UBE2L3: variants seen among roughly 807,000 people sequenced by gnomAD.
UBE2L3 encodes ubiquitin conjugating enzyme E2 L3, also known as ubiquitin-conjugating enzyme E2 L3.
A neutral mutation model predicts 17.8 loss-of-function variants in UBE2L3; 1 was observed. The observed-to-expected ratio is 0.06, with a 90% CI of 0.02 to 0.27. The LOEUF (loss-of-function observed/expected upper bound fraction) is 0.27, where lower values mean the gene tolerates loss of function less well. Ranked by LOEUF, UBE2L3 falls within the 10% of genes least tolerant of loss-of-function variation. The pLI, the probability that UBE2L3 is intolerant of heterozygous loss-of-function variation, is 1.00. For missense variants in UBE2L3, 40 were observed against 192.6 expected (o/e 0.21, Z 4.69); for synonymous variants, 44 against 68.5 (o/e 0.64, Z 1.76).
At chr22:21,603,987 C>T (rs1929011854) in intron 2 of UBE2L3, among the ~76,000 whole-genome samples, 1 of 146,774 alleles carries the variant, frequency 6.8e-6, no homozygotes, top group African/African-American at 2.5e-5. Flanking sequence ...TCATAGCTCA[C>T]TGCAGCCTCA....
intron 1 of UBE2L3, among the ~76,000 whole-genome samples, chr22:21,579,943 G>T (rs1927532423): frequency 6.6e-6 from 1 of 152,228 alleles, no homozygotes; most frequent in African/African-American, 2.4e-5. Context: ...AGCTCCATCT[G>T]CCAGGTTTTG....
intron 1 of UBE2L3, among the ~76,000 whole-genome samples, chr22:21,580,269 G>A (rs1927550131): frequency 6.6e-6 from 1 of 152,172 alleles, no homozygotes; most frequent in African/African-American, 2.4e-5. Context: ...ACATCTCTGA[G>A]CCTTGGCTTT....
upstream of UBE2L3, among the ~76,000 whole-genome samples, chr22:21,565,679 G>A (rs1016072991): frequency 6.8e-6 from 1 of 146,006 alleles, no homozygotes; most frequent in Non-Finnish European, 1.5e-5. Flanking sequence ...CTTGAACCCG[G>A]GAGGCAGAGG....
chr22:21,559,889 GGAT>G (rs1926369277), intron 1 of UBE2L3, among the ~76,000 whole-genome samples: 1 of 152,300 alleles, frequency 6.6e-6, no homozygotes, highest in Non-Finnish European at 1.5e-5. Flanking sequence ...CCCCAGCACT[GGAT>G]GGGGCTGGAT....
chr22:21,601,753 C>T (rs1176072503), intron 2 of UBE2L3, among the ~76,000 whole-genome samples: 4 of 151,116 alleles, frequency 2.6e-5, no homozygotes, highest in African/African-American at 9.7e-5. Context: ...AGGCGGGTCA[C>T]GAGGTCAGGA....
At chr22:21,620,987 A>G (rs1419578831) in intron 3 of UBE2L3, among the ~76,000 whole-genome samples, 1 of 152,156 alleles carries the variant, frequency 6.6e-6, no homozygotes, top group Non-Finnish European at 1.5e-5. Flanking sequence ...TAGGCCTCCT[A>G]TCTCCAGAGT....
At chr22:21,602,494 C>T (rs1362448480) in intron 2 of UBE2L3, among the ~76,000 whole-genome samples, 1 of 152,202 alleles carries the variant, frequency 6.6e-6, no homozygotes, top group Non-Finnish European at 1.5e-5. Context: ...GGATGAAGGA[C>T]TCTGGGTCTT....
At chr22:21,567,691 A>C (rs1050334876), upstream of UBE2L3, 9 of 1,558,782 alleles carry the variant, frequency 5.8e-6, no homozygotes, top group African/African-American at 4.1e-5. Context: ...CGGGGGCTCC[A>C]GCCGCCCGGC....
chr22:21,582,604 C>T (rs1420685530), intron 1 of UBE2L3, among the ~76,000 whole-genome samples: 1 of 152,126 alleles, frequency 6.6e-6, no homozygotes, highest in East Asian at 1.9e-4. Context: ...CGGCTCACTG[C>T]AACCTCTGCC....
chr22:21,587,629 A>G (rs1036243461), intron 1 of UBE2L3, among the ~76,000 whole-genome samples: 1 of 152,300 alleles, frequency 6.6e-6, no homozygotes, highest in African/African-American at 2.4e-5. Flanking sequence ...GCCAAGACGC[A>G]GGTGTGTACA....
chr22:21,600,478 T>A (rs1928796406), intron 2 of UBE2L3, among the ~76,000 whole-genome samples: 1 of 151,566 alleles, frequency 6.6e-6, no homozygotes, highest in Non-Finnish European at 1.5e-5. Flanking sequence ...GGCGGATCAC[T>A]TGAGGTCGGG....
At chr22:21,611,181 C>T in intron 3 of UBE2L3, 138 bp downstream of exon 3, 2 of 1,048,534 alleles carry the variant, frequency 1.9e-6, no homozygotes, top group South Asian at 1.8e-5. Flanking sequence ...TCCTGTCAGA[C>T]CTTGTGGGAA....
chr22:21,590,260 C>T (rs574037986), intron 1 of UBE2L3, among the ~76,000 whole-genome samples: 6 of 152,172 alleles, frequency 3.9e-5, no homozygotes, highest in Admixed American at 3.9e-4. Context: ...TGCAGTGGTG[C>T]GATCTTAGTT....
At chr22:21,568,156 T>G in intron 1 of UBE2L3, 2 of 1,012,306 alleles carry the variant, frequency 2.0e-6, no homozygotes, top group Non-Finnish European at 2.4e-6. Flanking sequence ...CCGGAGCCCC[T>G]GCCCGGAGCC....
intron 1 of UBE2L3, among the ~76,000 whole-genome samples, chr22:21,570,368 G>C (rs902511957): frequency 6.6e-6 from 1 of 152,178 alleles, no homozygotes; most frequent in Non-Finnish European, 1.5e-5. Flanking sequence ...TATTTATTAA[G>C]TATTAGGTTA....
chr22:21,608,544 C>T (rs1310461597), intron 2 of UBE2L3, among the ~76,000 whole-genome samples: 1 of 152,108 alleles, frequency 6.6e-6, no homozygotes, highest in East Asian at 1.9e-4. Flanking sequence ...CTACCTCAGC[C>T]TCCCAAGTAG....
At chr22:21,593,981 G>C (rs935161779) in intron 2 of UBE2L3, among the ~76,000 whole-genome samples, 5 of 152,224 alleles carry the variant, frequency 3.3e-5, no homozygotes, top group African/African-American at 1.2e-4. Context: ...TCCCACACCT[G>C]TCTCCATTCC....
At chr22:21,611,452 A>T (rs1189798161) in intron 3 of UBE2L3, among the ~76,000 whole-genome samples, 1 of 152,056 alleles carries the variant, frequency 6.6e-6, no homozygotes, top group East Asian at 1.9e-4. Flanking sequence ...GGAGGAAAGG[A>T]GGTTGGAGAG....
chr22:21,601,951 G>A (rs1376636646), intron 2 of UBE2L3, among the ~76,000 whole-genome samples: 4 of 134,744 alleles, frequency 3.0e-5, no homozygotes, highest in Non-Finnish European at 6.2e-5. Context: ...CAGCCTCAGC[G>A]ACAGAGACTC....
Sources: gnomAD v4.1 joint callset for allele counts (sites outside exome capture counted in the v4.1 genomes callset) on GRCh38, gnomAD v4.1.1 for gene constraint, MANE v1.5 for transcripts, NCBI Gene and HGNC (gene_info 2026-07-23, HGNC 2026-07-21) for gene names.